Variants in CYP39A1 observed in about 807,000 individuals in gnomAD.
The protein encoded by CYP39A1 is 24-hydroxycholesterol 7-alpha-hydroxylase.
In CYP39A1, 49 loss-of-function variants were observed where a neutral mutation model predicts 58.1. The observed-to-expected ratio is 0.84, with a 90% CI of 0.67 to 1.07. CYP39A1 has a LOEUF of 1.07. Among genes scored for constraint, CYP39A1 ranks in the 50% least tolerant of loss-of-function variants. The pLI is 0.00. For missense variants in CYP39A1, 531 were observed against 539.4 expected (o/e 0.98, Z 0.16); for synonymous variants, 209 against 187.6 (o/e 1.11, Z -0.93).
At chr6:46,557,795 G>C (rs1339075875) in intron 10 of CYP39A1, among the ~76,000 whole-genome samples, 1 of 151,714 alleles carries the variant, frequency 6.6e-6, no homozygotes, top group African/African-American at 2.4e-5. Context: ...AAATTAGCCA[G>C]GTGTGGTGGT....
At chr6:46,651,307 A>G (rs1562028279) in intron 1 of CYP39A1, among the ~76,000 whole-genome samples, 2 of 152,218 alleles carry the variant, frequency 1.3e-5, no homozygotes, top group South Asian at 2.1e-4. Context: ...AAACCCAACT[A>G]TTGAGATTTA....
At chr6:46,628,047 A>T (rs1775427882) in intron 6 of CYP39A1, among the ~76,000 whole-genome samples, 1 of 152,184 alleles carries the variant, frequency 6.6e-6, no homozygotes, top group African/African-American at 2.4e-5. Context: ...TTGGAGAGGT[A>T]AGAACAAATG....
chr6:46,630,125 A>T (rs1775557492), intron 6 of CYP39A1, among the ~76,000 whole-genome samples: 2 of 147,234 alleles, frequency 1.4e-5, no homozygotes, highest in African/African-American at 5.4e-5. Flanking sequence ...AAACAACAAC[A>T]ACAACAAAAA....
At chr6:46,605,106 T>C (rs777249259) in intron 7 of CYP39A1, among the ~76,000 whole-genome samples, 16 of 152,022 alleles carry the variant, frequency 1.1e-4, no homozygotes, top group Non-Finnish European at 1.9e-4. Context: ...CTGGGCCACA[T>C]GTGGCCTGCG....
intron 10 of CYP39A1, among the ~76,000 whole-genome samples, chr6:46,583,902 A>C (rs1772303726): frequency 6.6e-6 from 1 of 152,190 alleles, no homozygotes; most frequent in Non-Finnish European, 1.5e-5. Context: ...GTGTGTGTTC[A>C]TGATGAACTT....
rs542899853 is a variant in CYP39A1 at position 46,588,461 on chromosome 6, A to G, written c.1066-332T>C. On this transcript the variant is annotated intron_variant, in intron 8 of 11. Coordinates refer to ENST00000275016, the MANE Select transcript of CYP39A1 (RefSeq NM_016593.5). ...AAATGTCAAAATTTTAGAAACTAGT[A>G]TAAGTCCCTTCTAATGTACCTTTTG... 2.0e-5 allele frequency among the ~76,000 whole-genome samples: 3 copies of G among 152,260 alleles called. No homozygotes were observed. In the South Asian group the frequency reaches 6.2e-4, roughly 32 times the overall value.
At chr6:46,597,696 C>T (rs1429974744) in intron 7 of CYP39A1, among the ~76,000 whole-genome samples, 1 of 151,988 alleles carries the variant, frequency 6.6e-6, no homozygotes, top group Non-Finnish European at 1.5e-5. Flanking sequence ...GAAGGTGAGA[C>T]ATATGTGATG....
chr6:46,580,859 G>A (rs540767705), intron 10 of CYP39A1, among the ~76,000 whole-genome samples: 1 of 152,302 alleles, frequency 6.6e-6, no homozygotes, highest in East Asian at 1.9e-4. Context: ...ACAGACGTTG[G>A]TGAGGTTGAG....
At chr6:46,646,097 T>C (rs1370864049) in intron 1 of CYP39A1, among the ~76,000 whole-genome samples, 1 of 152,064 alleles carries the variant, frequency 6.6e-6, no homozygotes, top group Non-Finnish European at 1.5e-5. Context: ...TTCGAATCCA[T>C]ATATATTTTC....
In CYP39A1 at chr6:46,639,481, T is replaced by C. The variant is rs529439574; in HGVS notation, c.488+13A>G. On this transcript the variant is annotated intron_variant, in intron 3 of 11. Coordinates refer to ENST00000275016, the MANE Select transcript of CYP39A1 (RefSeq NM_016593.5). ...AAAAAGCAAGACTAAATCATACTAA[T>C]GCGTCTATTTACCTTACTAAGTTGT... 48 of 1,611,576 alleles carry C rather than the reference T, an allele frequency of 3.0e-5. No individual in the cohort carries two copies. In the African/African-American group the frequency reaches 5.5e-4, roughly 18 times the overall value.
chr6:46,621,764 C>G (rs6458514), intron 7 of CYP39A1, among the ~76,000 whole-genome samples: 47,213 of 151,974 alleles, frequency 0.31, 9,191 homozygotes, highest in African/African-American at 0.55. Flanking sequence ...TCTTTCATAA[C>G]CTCTTTCAAA....
At chr6:46,617,310 A>G (rs897123203) in intron 7 of CYP39A1, among the ~76,000 whole-genome samples, 1 of 152,170 alleles carries the variant, frequency 6.6e-6, no homozygotes, top group Admixed American at 6.5e-5. Context: ...AATCATATTC[A>G]GTGTTATAAA....
At chr6:46,621,876 T>C (rs547810309) in intron 7 of CYP39A1, among the ~76,000 whole-genome samples, 1 of 152,248 alleles carries the variant, frequency 6.6e-6, no homozygotes, top group South Asian at 2.1e-4. Flanking sequence ...TCAATATTCC[T>C]TATTAACATA....
intron 7 of CYP39A1, among the ~76,000 whole-genome samples, chr6:46,598,095 A>G (rs1191289592): frequency 6.6e-6 from 1 of 152,206 alleles, no homozygotes; most frequent in Non-Finnish European, 1.5e-5. Context: ...CAAGATGTCA[A>G]ACGTATGAAG....
chr6:46,600,923 C>G lies in CYP39A1; in HGVS notation c.932-4803G>C, dbSNP rs563416827. Among the ~76,000 whole-genome samples, 213 of 152,220 alleles carry G rather than the reference C, an allele frequency of 1.4e-3. 6 individuals carry two copies. The highest frequency in any genetic ancestry group is 8.8e-5 in the Non-Finnish European group (6 of 68,000). ...ACTCCCGATTTGTAGACAAGTTGGA[C>G]AGAAGTGTGAATAACCTGGGGCTGT... is the stretch of plus-strand genomic sequence containing the variant. On this transcript the variant is annotated intron_variant, in intron 7 of 11. Coordinates refer to ENST00000275016, the MANE Select transcript of CYP39A1 (RefSeq NM_016593.5).
chr6:46,587,298 C>A, intron 9 of CYP39A1, 133 bp from the exon 10 acceptor site: 1 of 682,314 alleles, frequency 1.5e-6, no homozygotes, highest in Non-Finnish European at 2.6e-6. Flanking sequence ...GTAATTTTTT[C>A]CACCCTGTTA....
chr6:46,611,033 G>A (rs889992755), intron 7 of CYP39A1, among the ~76,000 whole-genome samples: 127 of 152,310 alleles, frequency 8.3e-4, no homozygotes, highest in Non-Finnish European at 9.8e-4. Flanking sequence ...ATTGTCCATG[G>A]ACTCTGGGAA....
chr6:46,616,877 A>C (rs556313158), intron 7 of CYP39A1, among the ~76,000 whole-genome samples: 1 of 152,152 alleles, frequency 6.6e-6, no homozygotes, highest in Non-Finnish European at 1.5e-5. Flanking sequence ...GGATGTGTGC[A>C]CTGAATACCA....
chr6:46,590,988 T>C (rs1805587834), intron 8 of CYP39A1, among the ~76,000 whole-genome samples: 1 of 152,142 alleles, frequency 6.6e-6, no homozygotes, highest in Non-Finnish European at 1.5e-5. Context: ...CCACACAGCA[T>C]TTTTCCACAT....
Sources: gnomAD v4.1 joint callset for allele counts (sites outside exome capture counted in the v4.1 genomes callset) on GRCh38, gnomAD v4.1.1 for gene constraint, MANE v1.5 for transcripts, NCBI Gene and HGNC (gene_info 2026-07-23, HGNC 2026-07-21) for gene names.